CNTNAP3B: variants seen among roughly 807,000 people sequenced by gnomAD.
The protein encoded by CNTNAP3B is contactin-associated protein-like 3B.
In CNTNAP3B, 25 loss-of-function variants were observed where a neutral mutation model predicts 108.9. That is an observed-to-expected ratio of 0.23 (90% CI 0.17 to 0.32). The LOEUF (loss-of-function observed/expected upper bound fraction) is 0.32. Ranked by LOEUF, CNTNAP3B falls within the 10% of genes least tolerant of loss-of-function variation. CNTNAP3B has a pLI of 1.00. For missense variants in CNTNAP3B, 252 were observed against 1,210.4 expected (o/e 0.21, Z 11.75); for synonymous variants, 103 against 473.4 (o/e 0.22, Z 10.16).
intron 14 of CNTNAP3B, among the ~76,000 whole-genome samples, chr9:41,937,150 T>C (rs1824183925): frequency 9.8e-6 from 1 of 102,178 alleles, no homozygotes; most frequent in Non-Finnish European, 2.2e-5. Flanking sequence ...TATTTTGAGG[T>C]GGAGTCTTGC....
chr9:42,086,252 A>G (rs1827700861), intron 2 of CNTNAP3B, among the ~76,000 whole-genome samples: 1 of 141,732 alleles, frequency 7.1e-6, no homozygotes, highest in Non-Finnish European at 1.5e-5. Context: ...AACCGCCCCC[A>G]TGATTCAGTT....
chr9:42,098,570 G>A (rs1465280379), intron 2 of CNTNAP3B, among the ~76,000 whole-genome samples: 100 of 53,926 alleles, frequency 1.9e-3, no homozygotes, highest in African/African-American at 6.2e-3. Context: ...GTGACAGAGC[G>A]AGACTCTGTC....
intron 14 of CNTNAP3B, among the ~76,000 whole-genome samples, chr9:41,934,737 A>G (rs1319490250): frequency 3.9e-5 from 6 of 152,264 alleles, no homozygotes; most frequent in African/African-American, 4.8e-5. Context: ...GAGTGCTTAT[A>G]TTTTATCTTT....
rs545405056 is a variant in CNTNAP3B at position 42,094,026 on chromosome 9, A to G, written c.196+10603T>C. On this transcript the variant is annotated intron_variant, in intron 2 of 23. Coordinates refer to ENST00000377561, the MANE Select transcript of CNTNAP3B (RefSeq NM_001201380.3). ...AGGAAACAAAAACTCAGGGAGATAA[A>G]GGAATTTGTCCAAAGTCACACAGCT... Among the ~76,000 whole-genome samples the G allele has an allele frequency of 3.9e-3, 527 of 134,384 alleles. 32 individuals carry two copies. The highest frequency in any genetic ancestry group is 3.8e-3 in the Non-Finnish European group (244 of 63,546). 88.2% of individuals were successfully genotyped at this position (134,384 alleles called of 152,430 possible).
chr9:42,003,063 T>C (rs1285971418), intron 4 of CNTNAP3B, among the ~76,000 whole-genome samples: 1 of 130,750 alleles, frequency 7.6e-6, no homozygotes, highest in Non-Finnish European at 1.6e-5. Context: ...ATTTTTTACT[T>C]TTTTTCTAGA....
At position 42,110,423 on chromosome 9, in the gene CNTNAP3B, C is replaced by T. The variant is rs185055687; in HGVS notation, c.86-5684G>A. 3.0e-5 allele frequency among the ~76,000 whole-genome samples: 4 copies of T among 135,382 alleles called. 1 individual carries two copies. Among genetic ancestry groups the T allele is most frequent in the Non-Finnish European group, 6.2e-5 (4 of 64,064 alleles). 88.8% of individuals were successfully genotyped at this position (135,382 alleles called of 152,430 possible). A position where few individuals can be genotyped will look rare whatever the true frequency, so the allele number is the denominator to read the frequency against. ...CCACCGAACTGCTAATATGAGGGGACGGCACCTTAACCAGCTTCGAATTAT... is the reference window on the plus strand; with the variant it reads ...CCACCGAACTGCTAATATGAGGGGATGGCACCTTAACCAGCTTCGAATTAT... On this transcript the variant is annotated intron_variant, in intron 1 of 23. Coordinates refer to ENST00000377561, the MANE Select transcript of CNTNAP3B (RefSeq NM_001201380.3).
intron 1 of CNTNAP3B, among the ~76,000 whole-genome samples, chr9:42,121,269 C>A (rs970519079): frequency 1.4e-5 from 2 of 138,838 alleles, no homozygotes; most frequent in Non-Finnish European, 3.1e-5. Context: ...CAATGACACC[C>A]CCTTTTGGTG....
chr9:42,097,414 A>G lies in CNTNAP3B; in HGVS notation c.196+7215T>C, dbSNP rs1827925543. Among the ~76,000 whole-genome samples, 2 of 139,700 alleles carry G rather than the reference A, an allele frequency of 1.4e-5. 1 individual carries two copies. Among genetic ancestry groups the G allele is most frequent in the Admixed American group, 1.4e-4 (2 of 14,078 alleles). 91.6% of individuals were successfully genotyped at this position (139,700 alleles called of 152,430 possible). ...AAGATGCTTTTTATATTTGTATTTG[A>G]GTTGTGGTCACTAGTAATGTTTTCT... On this transcript the variant is annotated intron_variant, in intron 2 of 23. Coordinates refer to ENST00000377561, the MANE Select transcript of CNTNAP3B (RefSeq NM_001201380.3).
intron 1 of CNTNAP3B, among the ~76,000 whole-genome samples, chr9:42,110,691 C>T (rs1828178150): frequency 1.5e-5 from 2 of 137,602 alleles, no homozygotes; most frequent in Non-Finnish European, 3.1e-5. Flanking sequence ...GAAGGGGGTG[C>T]CCATACCTTC....
chr9:42,118,333 C>G (rs1306088504), intron 1 of CNTNAP3B, among the ~76,000 whole-genome samples: 1 of 139,676 alleles, frequency 7.2e-6, no homozygotes, highest in Non-Finnish European at 1.5e-5. Flanking sequence ...CCACCATGAT[C>G]AAGCGGGCTT....
intron 12 of CNTNAP3B, chr9:41,960,352 G>A (rs1444422837): frequency 1.8e-5 from 3 of 170,554 alleles, no homozygotes; most frequent in South Asian, 1.3e-4. Context: ...AGTTTCTTTG[G>A]TTATGAAAAA....
rs928168364 is a variant in CNTNAP3B, at chr9:41,990,288, G to C, written c.1333+1322C>G. 3.2e-4 allele frequency among the ~76,000 whole-genome samples: 43 copies of C among 133,286 alleles called. 1 individual carries two copies. The highest frequency in any genetic ancestry group is 1.3e-3 in the African/African-American group (42 of 33,200). 87.4% of individuals were successfully genotyped at this position (133,286 alleles called of 152,430 possible). A position where few individuals can be genotyped will look rare whatever the true frequency, so the allele number is the denominator to read the frequency against. On this transcript the variant is annotated intron_variant, in intron 8 of 23. Coordinates refer to ENST00000377561, the MANE Select transcript of CNTNAP3B (RefSeq NM_001201380.3). ...ACATGTGTTCATTCTGTATCTGTGT[G>C]TGGGTCACGATTTTAACCTTTCTTG... is the stretch of plus-strand genomic sequence containing the variant.
chr9:41,999,605 A>G (rs1389327449), intron 4 of CNTNAP3B, among the ~76,000 whole-genome samples: 1 of 112,774 alleles, frequency 8.9e-6, no homozygotes, highest in Admixed American at 9.3e-5. Context: ...GTTTCTCTGG[A>G]GAGCCCTGAC....
At chr9:42,095,261 C>A (rs1463870177) in intron 2 of CNTNAP3B, among the ~76,000 whole-genome samples, 2 of 137,362 alleles carry the variant, frequency 1.5e-5, no homozygotes, top group African/African-American at 5.9e-5. Flanking sequence ...GTAAGTGAGA[C>A]TATATGGTAT....
chr9:42,082,895 A>G lies in CNTNAP3B; in HGVS notation c.197-5833T>C, dbSNP rs1364108019. On this transcript the variant is annotated intron_variant, in intron 2 of 23. Coordinates refer to ENST00000377561, the MANE Select transcript of CNTNAP3B (RefSeq NM_001201380.3). Reference sequence around the variant, plus strand: ...CAAACACTCCTATTAAATGGCAATGATGGTCAGATTAGATGAGAAAGCAAG... The same window carrying G: ...CAAACACTCCTATTAAATGGCAATGGTGGTCAGATTAGATGAGAAAGCAAG... Among the ~76,000 whole-genome samples the G allele has an allele frequency of 3.6e-5, 5 of 140,128 alleles. 1 individual carries two copies. Among genetic ancestry groups the G allele is most frequent in the Non-Finnish European group, 6.1e-5 (4 of 65,160 alleles). The allele number at this position is 140,128 out of a possible 152,430, so 91.9% of individuals were successfully genotyped here.
chr9:41,954,362 G>A (rs560872480), intron 12 of CNTNAP3B, among the ~76,000 whole-genome samples: 112 of 152,356 alleles, frequency 7.4e-4, no homozygotes, highest in African/African-American at 2.2e-3. Flanking sequence ...TGGCTTGTGC[G>A]TAAGACAAAT....
At chr9:42,117,035 G>A (rs1414493933) in intron 1 of CNTNAP3B, among the ~76,000 whole-genome samples, 1 of 139,042 alleles carries the variant, frequency 7.2e-6, no homozygotes, top group Middle Eastern at 3.2e-3. Context: ...CAAGTCCTTA[G>A]AGGTGTACAA....
chr9:42,095,313 C>T (rs1382941263), intron 2 of CNTNAP3B, among the ~76,000 whole-genome samples: 2 of 137,732 alleles, frequency 1.5e-5, no homozygotes, highest in Non-Finnish European at 3.1e-5. Flanking sequence ...ACATAATGTC[C>T]TCCAGGTTCA....
chr9:42,004,777 T>A (rs1826063210), intron 4 of CNTNAP3B, among the ~76,000 whole-genome samples: 1 of 119,248 alleles, frequency 8.4e-6, no homozygotes, highest in African/African-American at 2.9e-5. Context: ...TTAGAATAGA[T>A]GTATTGGGAT....
Sources: allele counts gnomAD v4.1 joint callset (sites outside exome capture counted in the v4.1 genomes callset), GRCh38; gene constraint gnomAD v4.1.1; transcripts MANE v1.5; gene names NCBI Gene and HGNC (gene_info 2026-07-23, HGNC 2026-07-21).